CTBP2: variants seen among roughly 807,000 people sequenced by gnomAD.
CTBP2 encodes the protein C-terminal-binding protein 2.
CTBP2 carries 30 observed loss-of-function variants against 80.3 expected under a neutral mutation model. That is an observed-to-expected ratio of 0.37 (90% CI 0.28 to 0.51). CTBP2 has a LOEUF of 0.51. Among genes scored for constraint, CTBP2 ranks in the 20% least tolerant of loss-of-function variants. The probability of loss-of-function intolerance (pLI) is 0.93; values close to 1 mark genes in which losing one functional copy is unlikely to be tolerated. For synonymous variants in CTBP2, 594 were observed against 587.4 expected, an observed-to-expected ratio of 1.01 and a Z score of -0.16; for missense variants, 1,212 against 1,375.3, an observed-to-expected ratio of 0.88 and a Z score of 1.88.
chr10:125,113,575 C>G (rs1042709403), intron 1 of CTBP2, among the ~76,000 whole-genome samples: 1 of 152,120 alleles, frequency 6.6e-6, no homozygotes, highest in African/African-American at 2.4e-5. Context: ...GGGATTGTAT[C>G]TATTTTCAGG....
At chr10:125,001,720 A>C (rs1375358488) in intron 3 of CTBP2, among the ~76,000 whole-genome samples, 1 of 152,106 alleles carries the variant, frequency 6.6e-6, no homozygotes, top group Non-Finnish European at 1.5e-5. Flanking sequence ...CTGTGAGTGT[A>C]CGGGCAGCTC....
intron 2 of CTBP2, among the ~76,000 whole-genome samples, chr10:125,065,973 C>A (rs1564837642): frequency 6.6e-6 from 1 of 151,798 alleles, no homozygotes; most frequent in Non-Finnish European, 1.5e-5. Context: ...TGGTGGCATG[C>A]GCCTGTAATC....
At chr10:125,151,029 G>A (rs1220441740) in intron 1 of CTBP2, among the ~76,000 whole-genome samples, 2 of 152,054 alleles carry the variant, frequency 1.3e-5, no homozygotes, top group Admixed American at 6.5e-5. Flanking sequence ...CCAATGAAGA[G>A]TCAGGGCAAC....
intron 2 of CTBP2, among the ~76,000 whole-genome samples, chr10:125,055,902 C>T (rs6597873): frequency 0.19 from 28,812 of 151,966 alleles, 3,915 homozygotes; most frequent in African/African-American, 0.39. Context: ...CGTGGCAGCT[C>T]ACACCTGCAA....
At chr10:125,039,806 T>C (rs1959198375) in intron 2 of CTBP2, among the ~76,000 whole-genome samples, 1 of 152,202 alleles carries the variant, frequency 6.6e-6, no homozygotes, top group South Asian at 2.1e-4. Flanking sequence ...AAGGGCAGGG[T>C]CCCAGGCTGC....
In CTBP2 at chr10:125,051,499, G is replaced by A. The variant is rs537488535; in HGVS notation, c.-101-12344C>T. ...TACTAAAAATACAAAAATTAGCCAGGTGTGGTGGTGGGCACCTGTAATCCC... is the reference window on the plus strand; with the variant it reads ...TACTAAAAATACAAAAATTAGCCAGATGTGGTGGTGGGCACCTGTAATCCC... On this transcript the variant is annotated intron_variant, in intron 2 of 10. Transcript: ENST00000337195. Among the ~76,000 whole-genome samples, 5 of 152,224 alleles carry A rather than the reference G, an allele frequency of 3.3e-5. No homozygotes were observed. In the South Asian group the frequency reaches 8.3e-4, roughly 25 times the overall value.
At chr10:125,033,285 G>A (rs1281348312) in intron 3 of CTBP2, among the ~76,000 whole-genome samples, 2 of 152,232 alleles carry the variant, frequency 1.3e-5, no homozygotes, top group Non-Finnish European at 2.9e-5. Flanking sequence ...GGGGTGCTCA[G>A]CCAGGCTCCT....
chr10:125,065,462 C>T (rs1590464504), intron 2 of CTBP2, among the ~76,000 whole-genome samples: 1 of 152,134 alleles, frequency 6.6e-6, no homozygotes, highest in African/African-American at 2.4e-5. Context: ...GAGCAAAGCC[C>T]GCAGGGGCTT....
chr10:125,126,196 T>C (rs1041328584), intron 1 of CTBP2, among the ~76,000 whole-genome samples: 1 of 152,212 alleles, frequency 6.6e-6, no homozygotes, highest in Non-Finnish European at 1.5e-5. Flanking sequence ...TCCAACTATG[T>C]GACCTCAGGC....
chr10:125,013,665 T>C (rs981079584), intron 1 of CTBP2, among the ~76,000 whole-genome samples: 2 of 152,220 alleles, frequency 1.3e-5, no homozygotes, highest in African/African-American at 2.4e-5. Flanking sequence ...TAGGCGCTGC[T>C]GTTTCCCCAG....
intron 2 of CTBP2, among the ~76,000 whole-genome samples, chr10:125,108,058 G>A (rs1039424509): frequency 2.6e-5 from 4 of 152,194 alleles, no homozygotes; most frequent in African/African-American, 4.8e-5. Context: ...GATGGAGAAC[G>A]AAGTCTTTTT....
intron 2 of CTBP2, among the ~76,000 whole-genome samples, chr10:125,080,276 G>A (rs1409236636): frequency 6.7e-6 from 1 of 149,160 alleles, no homozygotes; most frequent in Non-Finnish European, 1.5e-5. Context: ...CAGTTTCCTT[G>A]GATTAGGGGT....
At chr10:125,086,613 T>TTA (rs1167339611) in intron 2 of CTBP2, among the ~76,000 whole-genome samples, 7 of 116,434 alleles carry the variant, frequency 6.0e-5, no homozygotes, top group East Asian at 2.9e-4. Flanking sequence ...AAATTTTATT[T>TTA]AAAAAAAAAA....
chr10:125,039,391 T>A lies in CTBP2; in HGVS notation c.-101-236A>T, dbSNP rs76211158. Among the ~76,000 whole-genome samples the A allele has an allele frequency of 4.3e-3, 658 of 152,382 alleles. 7 individuals carry two copies. The highest frequency in any genetic ancestry group is 0.017 in the Middle Eastern group (5 of 294). On this transcript the variant is annotated intron_variant, in intron 2 of 10. Coordinates refer to the CTBP2 transcript ENST00000337195. ...ATGCACACAAGACAATCGTCAGTTA[T>A]TTCTGGAAGCAGCAAATTCCAACAG...
At chr10:125,080,295 AACAC>A (rs1208174278) in intron 2 of CTBP2, among the ~76,000 whole-genome samples, 1 of 151,230 alleles carries the variant, frequency 6.6e-6, no homozygotes, top group Admixed American at 6.6e-5. Context: ...GTAAAAAAAA[AACAC>A]ACACCCACAC....
At chr10:125,011,889 C>T (rs979605376) in intron 1 of CTBP2, among the ~76,000 whole-genome samples, 6 of 152,244 alleles carry the variant, frequency 3.9e-5, no homozygotes, top group Non-Finnish European at 8.8e-5. Flanking sequence ...GTCCTGTTGG[C>T]TGCCTCTGGT....
At chr10:125,080,995 G>T (rs1847092398) in intron 2 of CTBP2, among the ~76,000 whole-genome samples, 1 of 151,588 alleles carries the variant, frequency 6.6e-6, no homozygotes, top group Admixed American at 6.6e-5. Context: ...GCTTTACAGT[G>T]GAGAAAGACG....
At chr10:125,076,218 C>T (rs999169786) in intron 2 of CTBP2, among the ~76,000 whole-genome samples, 2 of 152,150 alleles carry the variant, frequency 1.3e-5, no homozygotes, top group African/African-American at 2.4e-5. Flanking sequence ...CCACAGAAGA[C>T]GACCCTGAGC....
chr10:125,046,788 G>A (rs1440611704), intron 2 of CTBP2, among the ~76,000 whole-genome samples: 1 of 152,192 alleles, frequency 6.6e-6, no homozygotes, highest in African/African-American at 2.4e-5. Context: ...ACAGAAGGAG[G>A]TGAGCAAATC....
Sources: allele counts gnomAD v4.1 joint callset (sites outside exome capture counted in the v4.1 genomes callset), GRCh38; gene constraint gnomAD v4.1.1; transcripts MANE v1.5; gene names NCBI Gene and HGNC (gene_info 2026-07-23, HGNC 2026-07-21).